The following ZFP2 variants were observed in gnomAD, a reference collection of about 807,000 sequenced individuals.
ZFP2 encodes the protein zinc finger protein ZFP2.
ZFP2 carries 33 observed loss-of-function variants against 36.1 expected under a neutral mutation model. That is an observed-to-expected ratio of 0.92 (90% CI 0.69 to 1.22). The LOEUF (loss-of-function observed/expected upper bound fraction) is 1.22, where lower values mean the gene tolerates loss of function less well. Ranked by LOEUF, ZFP2 falls within the 50% of genes most tolerant of loss-of-function variation. ZFP2 has a pLI of 0.00. For missense variants in ZFP2, 522 were observed against 551.4 expected (o/e 0.95, Z 0.53); for synonymous variants, 170 against 178.0 (o/e 0.96, Z 0.36).
chr5:178,900,061 A>G (rs911773021), intron 1 of ZFP2, among the ~76,000 whole-genome samples: 3 of 152,202 alleles, frequency 2.0e-5, no homozygotes, highest in Non-Finnish European at 2.9e-5. Flanking sequence ...GAAGAGGGAA[A>G]TGTTGAAAGG....
rs752400695 is a variant in ZFP2 at position 178,932,602 on chromosome 5, G to T, written c.1289G>T (p.Arg430Ile). 8.1e-6 allele frequency: 13 copies of T among 1,613,984 alleles called. No individual in the cohort carries two copies. Among genetic ancestry groups the T allele is most frequent in the Non-Finnish European group, 1.0e-5 (12 of 1,180,026 alleles). ...AATTCATCCCTTACAGTGCATCAGA[G>T]AACTCATACAGGAGAGAAACCCTAT... is the stretch of plus-strand genomic sequence containing the variant. ...IKNSSLTVHQ[R>I]THTGEKPYQC... is the part of the protein sequence containing the mutation. The change falls in exon 5 of 5, where the codon AGA (arginine) becomes ATA (isoleucine). Residue 430 changes from arginine to isoleucine, a missense_variant. Arg to Ile is a moderately conservative substitution (Grantham distance 97). Coordinates refer to ENST00000361362, the MANE Select transcript of ZFP2 (RefSeq NM_030613.4).
At position 178,899,039 on chromosome 5, in the gene ZFP2, T is replaced by G. The variant is rs904058616; in HGVS notation, c.-450+3065T>G. On this transcript the variant is annotated intron_variant, in intron 1 of 4. Coordinates refer to ENST00000361362, the MANE Select transcript of ZFP2 (RefSeq NM_030613.4). ...GGTTAGGGACCCAGTTTATCCGTAT[T>G]CCAAGCTGGAGTGAAGGGGAGGATC... 3.9e-5 allele frequency among the ~76,000 whole-genome samples: 6 copies of G among 152,148 alleles called. No homozygotes were observed. The East Asian group carries it at 9.6e-4, about 24-fold the overall frequency.
intron 1 of ZFP2, among the ~76,000 whole-genome samples, chr5:178,901,584 T>C (rs1467076964): frequency 6.6e-6 from 1 of 152,192 alleles, no homozygotes; most frequent in Non-Finnish European, 1.5e-5. Context: ...TATCCTTATG[T>C]GTTCATGTCT....
intron 4 of ZFP2, among the ~76,000 whole-genome samples, chr5:178,929,294 G>A (rs1758767647): frequency 6.6e-6 from 1 of 152,200 alleles, no homozygotes; most frequent in Non-Finnish European, 1.5e-5. Context: ...CCCTGAAAAT[G>A]GGCTTTTCTT....
chr5:178,925,593 G>A (rs1258141077), intron 4 of ZFP2, among the ~76,000 whole-genome samples: 3 of 149,490 alleles, frequency 2.0e-5, no homozygotes, highest in Non-Finnish European at 4.5e-5. Flanking sequence ...TTACTTGGGC[G>A]GATGTGGTAA....
intron 4 of ZFP2, among the ~76,000 whole-genome samples, chr5:178,919,199 T>C (rs764003718): frequency 6.6e-6 from 1 of 152,350 alleles, no homozygotes; most frequent in South Asian, 2.1e-4. Context: ...AGGATACCAG[T>C]TGAATACTTC....
rs756758952 is a variant in ZFP2 at position 178,931,738 on chromosome 5, G to A, written c.425G>A (p.Arg142Gln). ...GTATGTGGGAAACACTTCATTGAAC[G>A]ATCCTCCCTTACTGTACATCAAAGA... ...CNVCGKHFIERSSLTVHQRIH... is the reference protein window; with the variant it reads ...CNVCGKHFIEQSSLTVHQRIH... Residue 142 changes from arginine (R) to glutamine (Q), a missense_variant, in exon 5 of 5, where the codon CGA becomes CAA. Coordinates refer to ENST00000361362, the MANE Select transcript of ZFP2 (RefSeq NM_030613.4). 123 of 1,613,944 alleles carry A rather than the reference G, an allele frequency of 7.6e-5. No individual in the cohort carries two copies. The highest frequency in any genetic ancestry group is 9.5e-5 in the Non-Finnish European group (112 of 1,180,020).
intron 4 of ZFP2, among the ~76,000 whole-genome samples, chr5:178,919,029 T>C (rs923580396): frequency 6.6e-6 from 1 of 152,202 alleles, no homozygotes; most frequent in Non-Finnish European, 1.5e-5. Context: ...TCCCCCCATC[T>C]CAGTGGCCAT....
chr5:178,918,959 C>T (rs1224288579), intron 4 of ZFP2, among the ~76,000 whole-genome samples: 6 of 152,120 alleles, frequency 3.9e-5, no homozygotes, highest in African/African-American at 9.7e-5. Context: ...AGTAAAGCCC[C>T]CCTAACCGTT....
At chr5:178,914,899 A>G (rs1013314919) in intron 3 of ZFP2, among the ~76,000 whole-genome samples, 5 of 152,142 alleles carry the variant, frequency 3.3e-5, no homozygotes, top group Non-Finnish European at 7.4e-5. Flanking sequence ...GAGGTAGGAG[A>G]TTGTGTGGCA....
chr5:178,905,010 A>G lies in ZFP2; in HGVS notation c.-449-7574A>G, dbSNP rs116821068. Among the ~76,000 whole-genome samples the G allele has an allele frequency of 2.0e-3, 298 of 152,038 alleles. 1 individual carries two copies. The highest frequency in any genetic ancestry group is 6.4e-3 in the African/African-American group (267 of 41,466). On this transcript the variant is annotated intron_variant, in intron 1 of 4. Coordinates refer to ENST00000361362, the MANE Select transcript of ZFP2 (RefSeq NM_030613.4). ...GCCACTGCGCCCGGCCCATTTTGGT[A>G]TTTCGTAAAGCAACTCTTCCCTCAT...
At chr5:178,898,050 G>A (rs1260917545) in intron 1 of ZFP2, among the ~76,000 whole-genome samples, 1 of 152,108 alleles carries the variant, frequency 6.6e-6, no homozygotes, top group Admixed American at 6.5e-5. Flanking sequence ...GAGTGCAGTG[G>A]TGTGATCTCG....
intron 4 of ZFP2, among the ~76,000 whole-genome samples, chr5:178,917,230 G>T (rs1218394838): frequency 1.3e-5 from 2 of 152,204 alleles, no homozygotes; most frequent in African/African-American, 4.8e-5. Flanking sequence ...TAAAAATACA[G>T]TTGGGGATTC....
chr5:178,922,867 C>T (rs1389598703), intron 4 of ZFP2, among the ~76,000 whole-genome samples: 2 of 149,306 alleles, frequency 1.3e-5, no homozygotes, highest in African/African-American at 2.4e-5. Context: ...AACTATGAAA[C>T]CCCTGAGAGA....
chr5:178,930,576 C>T (rs1378067483), intron 4 of ZFP2, among the ~76,000 whole-genome samples: 1 of 152,106 alleles, frequency 6.6e-6, no homozygotes, highest in Non-Finnish European at 1.5e-5. Context: ...CTGCCTTGGC[C>T]TCTCAAAGTG....
intron 3 of ZFP2, among the ~76,000 whole-genome samples, chr5:178,915,394 A>G (rs973030835): frequency 7.8e-6 from 1 of 128,630 alleles, no homozygotes; most frequent in Non-Finnish European, 1.6e-5. Context: ...GCTCACTGCA[A>G]CCTCCGCCTT....
chr5:178,909,657 G>A (rs1219121778), intron 1 of ZFP2: 1 of 1,440,364 alleles, frequency 6.9e-7, no homozygotes, highest in East Asian at 2.4e-5. Context: ...TTCCTCAGTT[G>A]GCTGCAGGGC....
intron 1 of ZFP2, among the ~76,000 whole-genome samples, chr5:178,904,660 C>G (rs933442854): frequency 6.8e-6 from 1 of 147,182 alleles, no homozygotes; most frequent in Non-Finnish European, 1.5e-5. Flanking sequence ...GTTGTAGTAC[C>G]ACACTATTGT....
Position 178,912,691 on chromosome 5 carries a change from G to A in ZFP2, c.-342G>A. The A allele has an allele frequency of 1.9e-6, 2 of 1,064,036 alleles. No homozygotes were observed. The highest frequency in any genetic ancestry group is 2.3e-6 in the Non-Finnish European group (2 of 863,682). 65.9% of individuals were successfully genotyped at this position (1,064,036 alleles called of 1,614,324 possible). A position where few individuals can be genotyped will look rare whatever the true frequency, so the allele number is the denominator to read the frequency against. On this transcript the variant is annotated 5_prime_UTR_variant, in exon 2 of 5. Transcript: ENST00000361362. Reference sequence around the variant, plus strand: ...TGACCGTGTATGGGGAGGTGATGCTGGAGAACTACAGGAACCCGGTCTCAC... The same window carrying A: ...TGACCGTGTATGGGGAGGTGATGCTAGAGAACTACAGGAACCCGGTCTCAC...
Sources: gnomAD v4.1 joint callset for allele counts (sites outside exome capture counted in the v4.1 genomes callset) on GRCh38, gnomAD v4.1.1 for gene constraint, MANE v1.5 for transcripts, NCBI Gene and HGNC (gene_info 2026-07-23, HGNC 2026-07-21) for gene names.